LYRM4: variants seen among roughly 807,000 people sequenced by gnomAD.
The protein encoded by LYRM4 is LYR motif-containing protein 4.
Under a neutral mutation model 11.7 loss-of-function variants are expected in LYRM4, and 9 were observed. That is an observed-to-expected ratio of 0.77 (90% CI 0.46 to 1.34). The LOEUF is 1.34. Ranked by LOEUF, LYRM4 falls within the 40% of genes most tolerant of loss-of-function variation. The pLI, the probability that LYRM4 is intolerant of heterozygous loss-of-function variation, is 0.00. For synonymous variants in LYRM4, 42 were observed against 40.4 expected, an observed-to-expected ratio of 1.04 and a Z score of -0.15; for missense variants, 133 against 112.5, an observed-to-expected ratio of 1.18 and a Z score of -0.82.
intron 2 of LYRM4, among the ~76,000 whole-genome samples, chr6:5,191,214 G>A (rs1327197681): frequency 6.6e-6 from 1 of 152,258 alleles, no homozygotes; most frequent in Admixed American, 6.5e-5. Flanking sequence ...AAGAGAGAAT[G>A]GGGTCACATG....
At chr6:5,071,256 C>T in the LYRM4 span, among the ~76,000 whole-genome samples, 1 of 152,056 alleles carries the variant, frequency 6.6e-6, no homozygotes, top group Non-Finnish European at 1.5e-5. Flanking sequence ...TTTTCCCTCC[C>T]TCAAAGTGAA....
the LYRM4 span, chr6:5,086,643 G>A: frequency 8.3e-7 from 1 of 1,205,426 alleles, no homozygotes; most frequent in South Asian, 1.6e-5. Context: ...AACTTGCTGG[G>A]ACGCTTTGCT....
the LYRM4 span, among the ~76,000 whole-genome samples, chr6:5,068,524 C>T: frequency 3.9e-5 from 6 of 152,290 alleles, no homozygotes; most frequent in East Asian, 1.9e-4. This position sits in a 1 kb window ranked among gnomAD's most constrained non-coding sequence, Gnocchi z 4.0. Flanking sequence ...TGTATTCTGA[C>T]GTCATAGGTT....
chr6:5,098,677 A>C (rs1328337871), downstream of LYRM4, among the ~76,000 whole-genome samples: 1 of 152,232 alleles, frequency 6.6e-6, no homozygotes, highest in African/African-American at 2.4e-5. Context: ...CAGGGTGGGC[A>C]GAACCGGGTG....
intron 2 of LYRM4, among the ~76,000 whole-genome samples, chr6:5,115,439 C>T (rs1375121287): frequency 4.6e-5 from 7 of 152,308 alleles, no homozygotes; most frequent in Middle Eastern, 3.4e-3. Context: ...CTCTATGCGG[C>T]GGCTAGAACA....
chr6:5,128,012 G>A (rs1763775270), intron 2 of LYRM4, among the ~76,000 whole-genome samples: 1 of 152,158 alleles, frequency 6.6e-6, no homozygotes, highest in African/African-American at 2.4e-5. Context: ...ACATCCTGCC[G>A]AATTATAGGA....
At chr6:5,101,871 C>T (rs1561796256), downstream of LYRM4, among the ~76,000 whole-genome samples, 1 of 151,808 alleles carries the variant, frequency 6.6e-6, no homozygotes, top group African/African-American at 2.4e-5. Flanking sequence ...TCATGGCTCA[C>T]TTGACCTCCT....
At chr6:5,176,673 T>A (rs1759740288) in intron 2 of LYRM4, among the ~76,000 whole-genome samples, 1 of 152,222 alleles carries the variant, frequency 6.6e-6, no homozygotes, top group South Asian at 2.1e-4. Context: ...GAAGGAAGTG[T>A]GCTTATGTTA....
At chr6:5,075,355 C>T in the LYRM4 span, among the ~76,000 whole-genome samples, 1 of 152,114 alleles carries the variant, frequency 6.6e-6, no homozygotes, top group Non-Finnish European at 1.5e-5. Context: ...CTCACATTAG[C>T]CCAAGGGATT....
At chr6:5,235,064 C>G (rs182806767) in intron 1 of LYRM4, among the ~76,000 whole-genome samples, 64 of 152,260 alleles carry the variant, frequency 4.2e-4, no homozygotes, top group Middle Eastern at 6.8e-3. Flanking sequence ...CTCTTTAAGA[C>G]AGTGCTTGGC....
intron 2 of LYRM4, among the ~76,000 whole-genome samples, chr6:5,204,037 C>T (rs183349606): frequency 6.6e-6 from 1 of 152,298 alleles, no homozygotes; most frequent in East Asian, 1.9e-4. Flanking sequence ...CTTCACACCC[C>T]TAGGAAGGGC....
the LYRM4 span, among the ~76,000 whole-genome samples, chr6:5,037,277 T>G: frequency 5.3e-4 from 11 of 20,732 alleles, 1 homozygote; most frequent in African/African-American, 1.4e-3. Flanking sequence ...CTTAATCCAT[T>G]TAACCCTGAG....
At chr6:5,085,540 C>T in the LYRM4 span, 1 of 1,540,174 alleles carries the variant, frequency 6.5e-7, no homozygotes, top group Non-Finnish European at 8.7e-7. Context: ...AGCGCCCTTC[C>T]GAGAGGCCCC....
chr6:5,209,977 T>A (rs568044700), intron 2 of LYRM4, among the ~76,000 whole-genome samples: 1 of 152,332 alleles, frequency 6.6e-6, no homozygotes, highest in South Asian at 2.1e-4. Context: ...CTAGTACTGG[T>A]AACACATCTT....
At chr6:5,172,954 A>G (rs916374155) in intron 2 of LYRM4, among the ~76,000 whole-genome samples, 2 of 152,222 alleles carry the variant, frequency 1.3e-5, no homozygotes, top group African/African-American at 4.8e-5. Context: ...CAAGCTGAAG[A>G]GCAGCTTCTT....
intron 2 of LYRM4, among the ~76,000 whole-genome samples, chr6:5,178,636 A>G (rs531217904): frequency 3.5e-3 from 523 of 151,392 alleles, no homozygotes; most frequent in Non-Finnish European, 4.7e-3. Flanking sequence ...CAACATGGTG[A>G]AACCCTGTCT....
intron 2 of LYRM4, chr6:5,138,708 C>T: frequency 6.5e-6 from 10 of 1,532,060 alleles, no homozygotes; most frequent in Non-Finnish European, 7.0e-6. Flanking sequence ...GAAAACAAAC[C>T]TGGTGGCAGA....
chr6:5,159,590 T>C (rs1256476923), intron 2 of LYRM4, among the ~76,000 whole-genome samples: 3 of 152,178 alleles, frequency 2.0e-5, no homozygotes, highest in Admixed American at 6.5e-5. Context: ...TCCAAGCCCA[T>C]CTCAACCTCT....
At chr6:5,068,863 G>A in the LYRM4 span, among the ~76,000 whole-genome samples, 1 of 152,186 alleles carries the variant, frequency 6.6e-6, no homozygotes, top group Non-Finnish European at 1.5e-5. The surrounding 1 kb of genome is among the most constrained non-coding windows in gnomAD (Gnocchi z 4.0). Flanking sequence ...TAAACTTTGT[G>A]TAAAGCATCA....
Sources: gnomAD v4.1 joint callset for allele counts (sites outside exome capture counted in the v4.1 genomes callset) on GRCh38, gnomAD v4.1.1 for gene constraint, Gnocchi (gnomAD v3.1) non-coding constraint, MANE v1.5 for transcripts, NCBI Gene and HGNC (gene_info 2026-07-23, HGNC 2026-07-21) for gene names.